Variants in PTPRT observed in about 807,000 individuals in gnomAD.
PTPRT encodes protein tyrosine phosphatase receptor type T, also known as receptor-type tyrosine-protein phosphatase T.
In PTPRT, 56 loss-of-function variants were observed where a neutral mutation model predicts 176.8. The ratio of observed to expected loss-of-function variants is 0.32; its 90% CI spans 0.26 to 0.40. The LOEUF is 0.40. Ranked by LOEUF, PTPRT falls within the 10% of genes least tolerant of loss-of-function variation. The probability of loss-of-function intolerance (pLI) is 1.00; values close to 1 mark genes in which losing one functional copy is unlikely to be tolerated. For synonymous variants in PTPRT, 783 were observed against 739.0 expected, an observed-to-expected ratio of 1.06 and a Z score of -0.96; for missense variants, 1,540 against 1,908.2, an observed-to-expected ratio of 0.81 and a Z score of 3.60.
At chr20:42,783,520 A>G (rs995923124) in intron 3 of PTPRT, among the ~76,000 whole-genome samples, 1 of 152,170 alleles carries the variant, frequency 6.6e-6, no homozygotes, top group Non-Finnish European at 1.5e-5. Flanking sequence ...GTGCCCCAGA[A>G]GACACCTACA....
chr20:42,797,870 T>C (rs1374802420), intron 2 of PTPRT, among the ~76,000 whole-genome samples: 2 of 151,888 alleles, frequency 1.3e-5, no homozygotes, highest in Non-Finnish European at 2.9e-5. Flanking sequence ...AAACTGCAGG[T>C]GGCCAGAAAA....
intron 2 of PTPRT, among the ~76,000 whole-genome samples, chr20:42,851,109 G>A (rs1239310903): frequency 6.6e-6 from 1 of 152,090 alleles, no homozygotes; most frequent in Non-Finnish European, 1.5e-5. Context: ...CAAGATACTA[G>A]TCTTCTAATG....
chr20:42,436,512 A>G (rs1053781462), intron 9 of PTPRT, among the ~76,000 whole-genome samples: 5 of 152,256 alleles, frequency 3.3e-5, no homozygotes, highest in African/African-American at 1.2e-4. Flanking sequence ...CTATTTAGTC[A>G]AAATGAAGAA....
At chr20:42,859,530 A>AT (rs2078623008) in intron 2 of PTPRT, among the ~76,000 whole-genome samples, 1 of 147,254 alleles carries the variant, frequency 6.8e-6, no homozygotes, top group African/African-American at 2.5e-5. Flanking sequence ...TATATCAATC[A>AT]TTTTTTGCAC....
chr20:42,718,716 A>G (rs2146223270), intron 6 of PTPRT, among the ~76,000 whole-genome samples: 1 of 152,266 alleles, frequency 6.6e-6, no homozygotes, highest in East Asian at 1.9e-4. Flanking sequence ...AGAATCAATG[A>G]CTTGGAGTGA....
chr20:42,384,459 T>C (rs2145644461), intron 9 of PTPRT, among the ~76,000 whole-genome samples: 1 of 152,268 alleles, frequency 6.6e-6, no homozygotes, highest in Admixed American at 6.5e-5. Flanking sequence ...GGAAACAACA[T>C]CCAAAATGGC....
chr20:42,556,927 T>C (rs1010612571), intron 7 of PTPRT, among the ~76,000 whole-genome samples: 6 of 152,062 alleles, frequency 3.9e-5, no homozygotes, highest in African/African-American at 1.4e-4. Context: ...CGCACCAGGG[T>C]CTGAGACCAC....
intron 6 of PTPRT, among the ~76,000 whole-genome samples, chr20:42,737,468 T>G (rs1454598079): frequency 6.6e-6 from 1 of 151,952 alleles, no homozygotes; most frequent in Non-Finnish European, 1.5e-5. Context: ...CCGTCTCTAC[T>G]AAAAATGCAA....
At chr20:42,480,300 T>C (rs1372637939) in intron 7 of PTPRT, among the ~76,000 whole-genome samples, 3 of 152,218 alleles carry the variant, frequency 2.0e-5, no homozygotes, top group African/African-American at 7.2e-5. Flanking sequence ...TGGATGGTAC[T>C]AAATACAGTT....
chr20:42,603,063 A>T lies in PTPRT; in HGVS notation c.1153+74803T>A, dbSNP rs368700447. Among the ~76,000 whole-genome samples, 216 of 152,282 alleles carry T rather than the reference A, an allele frequency of 1.4e-3. 2 individuals are homozygous for T. Among genetic ancestry groups the T allele is most frequent in the African/African-American group, 5.0e-3 (209 of 41,556 alleles). On this transcript the variant is annotated intron_variant, in intron 7 of 30. Transcript: ENST00000373187. ...ACCCAACAATTCTTTAATGAGCACC[A>T]ACCACATACCGTGCATTGCCTGGGG...
intron 7 of PTPRT, among the ~76,000 whole-genome samples, chr20:42,529,380 T>C (rs1019219292): frequency 6.6e-6 from 1 of 152,184 alleles, no homozygotes; most frequent in African/African-American, 2.4e-5. Flanking sequence ...GATGACCTTG[T>C]TGGATCATCA....
chr20:42,782,417 A>G (rs1291336782), intron 3 of PTPRT, among the ~76,000 whole-genome samples: 2 of 152,152 alleles, frequency 1.3e-5, no homozygotes, highest in African/African-American at 2.4e-5. Context: ...TACCACATCA[A>G]TGACGTGAAT....
intron 27 of PTPRT, among the ~76,000 whole-genome samples, chr20:42,086,741 A>ATATATATATATATATATATATATATAT (rs1311915259): frequency 2.6e-5 from 1 of 37,976 alleles, no homozygotes; most frequent in African/African-American, 1.1e-4. Context: ...AAAAAAAAAA[A>ATATATATATATATATATATATATATAT]AAAAAAAAAA....
At chr20:42,520,822 T>G (rs1433816748) in intron 7 of PTPRT, among the ~76,000 whole-genome samples, 1 of 142,048 alleles carries the variant, frequency 7.0e-6, no homozygotes, top group African/African-American at 2.7e-5. Flanking sequence ...TATATATATA[T>G]GTATGTATGG....
chr20:42,398,690 A>C (rs192598127), intron 9 of PTPRT, among the ~76,000 whole-genome samples: 34 of 152,278 alleles, frequency 2.2e-4, no homozygotes, highest in Non-Finnish European at 3.8e-4. Flanking sequence ...CAGAGACTCT[A>C]TGTGTAATAA....
chr20:42,071,531 C>T (rs202016577), downstream of PTPRT, among the ~76,000 whole-genome samples: 21 of 152,292 alleles, frequency 1.4e-4, no homozygotes, highest in East Asian at 3.1e-3. Context: ...AGGCTCTACA[C>T]GTTGAGAAGT....
intron 15 of PTPRT, among the ~76,000 whole-genome samples, chr20:42,220,785 A>T (rs1258792772): frequency 1.3e-5 from 2 of 152,172 alleles, no homozygotes; most frequent in Admixed American, 6.5e-5. Context: ...TAAGAGACAA[A>T]AATTTACTCA....
chr20:42,108,417 TACTC>T (rs10557676), intron 23 of PTPRT, among the ~76,000 whole-genome samples: 4,696 of 151,858 alleles, frequency 0.031, 233 homozygotes, highest in African/African-American at 0.11. Flanking sequence ...ATAATTAAAA[TACTC>T]ACTCATCTAT....
At chr20:42,930,507 G>C (rs796994725) in intron 1 of PTPRT, among the ~76,000 whole-genome samples, 1 of 151,838 alleles carries the variant, frequency 6.6e-6, no homozygotes, top group African/African-American at 2.4e-5. Context: ...TTTAGGAATA[G>C]GATCTTGCTC....
Sources: gnomAD v4.1 joint callset for allele counts (sites outside exome capture counted in the v4.1 genomes callset) on GRCh38, gnomAD v4.1.1 for gene constraint, MANE v1.5 for transcripts, NCBI Gene and HGNC (gene_info 2026-07-23, HGNC 2026-07-21) for gene names.